Variants in ANKH observed in about 807,000 individuals in gnomAD.
ANKH encodes ANKH inorganic pyrophosphate transport regulator, also known as mineralization regulator ANKH.
Under a neutral mutation model 49.0 loss-of-function variants are expected in ANKH, and 15 were observed. The ratio of observed to expected loss-of-function variants is 0.31; its 90% CI spans 0.20 to 0.47. The LOEUF is 0.47. Among genes scored for constraint, ANKH ranks in the 20% least tolerant of loss-of-function variants. The pLI is 1.00. For missense variants in ANKH, 429 were observed against 652.0 expected (o/e 0.66, Z 3.72); for synonymous variants, 273 against 260.0 (o/e 1.05, Z -0.48).
At chr5:14,839,545 C>T (rs1741759293) in intron 1 of ANKH, among the ~76,000 whole-genome samples, 1 of 149,684 alleles carries the variant, frequency 6.7e-6, no homozygotes, top group Admixed American at 6.7e-5. Flanking sequence ...TCCTTTCTTT[C>T]GTCTTCAGTA....
intron 7 of ANKH, among the ~76,000 whole-genome samples, chr5:14,744,456 A>G (rs960085829): frequency 9.2e-5 from 7 of 75,834 alleles, no homozygotes; most frequent in African/African-American, 1.9e-4. Context: ...ACCATGGGTA[A>G]GGGAAATAGA....
At chr5:14,819,605 C>A (rs1211321186) in intron 1 of ANKH, among the ~76,000 whole-genome samples, 1 of 152,124 alleles carries the variant, frequency 6.6e-6, no homozygotes, top group East Asian at 1.9e-4. Context: ...GTGACTCATG[C>A]CTGTAATCCC....
chr5:14,776,893 C>T (rs1437671243), intron 1 of ANKH, among the ~76,000 whole-genome samples: 2 of 152,248 alleles, frequency 1.3e-5, no homozygotes, highest in Non-Finnish European at 2.9e-5. Flanking sequence ...CCTTTAATCA[C>T]AGCCTGGGTC....
intron 1 of ANKH, among the ~76,000 whole-genome samples, chr5:14,791,314 C>T (rs1177262539): frequency 2.0e-5 from 3 of 152,148 alleles, no homozygotes; most frequent in Non-Finnish European, 4.4e-5. Context: ...CCTGAGATGT[C>T]ATGACTCCTC....
intron 6 of ANKH, among the ~76,000 whole-genome samples, 187 bp downstream of exon 6, chr5:14,748,985 C>T (rs933325410): frequency 1.3e-5 from 2 of 152,202 alleles, no homozygotes; most frequent in Admixed American, 1.3e-4. Context: ...CTCCCATAAT[C>T]ATAAAAATAT....
chr5:14,805,202 C>G (rs1055008295), intron 1 of ANKH, among the ~76,000 whole-genome samples: 1 of 151,764 alleles, frequency 6.6e-6, no homozygotes. Flanking sequence ...ACTGGCCTAG[C>G]CTCCCAGCCT....
chr5:14,723,623 G>T (rs772944116), intron 8 of ANKH, among the ~76,000 whole-genome samples: 3 of 152,108 alleles, frequency 2.0e-5, no homozygotes, highest in Admixed American at 1.3e-4. Context: ...TGAGTGACAA[G>T]ATCCTGTCTC....
rs542207180 is a variant in ANKH at position 14,766,637 on chromosome 5, G to A, written c.313+2338C>T. Among the ~76,000 whole-genome samples, 8 of 152,284 alleles carry A rather than the reference G, an allele frequency of 5.3e-5. No individual in the cohort carries two copies. The South Asian group carries it at 1.4e-3, about 28-fold the overall frequency. ...ACTAGCACTTAAAGAAATGTTGAAG[G>A]CAATTCAACTACTTTTGCCTGGACA... On this transcript the variant is annotated intron_variant, in intron 2 of 11. Coordinates refer to ENST00000284268, the MANE Select transcript of ANKH (RefSeq NM_054027.6).
At chr5:14,792,550 T>C (rs1361859605) in intron 1 of ANKH, among the ~76,000 whole-genome samples, 3 of 152,100 alleles carry the variant, frequency 2.0e-5, no homozygotes. Context: ...CCGCTCTATC[T>C]AGGCTGATGA....
chr5:14,717,319 G>A (rs1737507398), intron 8 of ANKH, among the ~76,000 whole-genome samples: 6 of 152,244 alleles, frequency 3.9e-5, no homozygotes, highest in Admixed American at 3.3e-4. Context: ...TTTAGAGTAA[G>A]GATCAGCCTA....
chr5:14,803,055 C>G (rs1740609379), intron 1 of ANKH, among the ~76,000 whole-genome samples: 1 of 152,148 alleles, frequency 6.6e-6, no homozygotes, highest in Non-Finnish European at 1.5e-5. Flanking sequence ...TTGCTATCCA[C>G]AGTGGGTCAT....
chr5:14,775,525 G>A (rs1384145105), intron 1 of ANKH, among the ~76,000 whole-genome samples: 1 of 152,156 alleles, frequency 6.6e-6, no homozygotes, highest in African/African-American at 2.4e-5. Flanking sequence ...CCATGGATAA[G>A]GGGGCCTACT....
chr5:14,720,551 G>A (rs1737626664), intron 8 of ANKH, among the ~76,000 whole-genome samples: 1 of 152,150 alleles, frequency 6.6e-6, no homozygotes, highest in African/African-American at 2.4e-5. Flanking sequence ...CCTGCTTCCA[G>A]CTTTGCTTTA....
chr5:14,794,707 C>T (rs559153981), intron 1 of ANKH, among the ~76,000 whole-genome samples: 1 of 152,228 alleles, frequency 6.6e-6, no homozygotes, highest in Non-Finnish European at 1.5e-5. Context: ...GATGAGAGAG[C>T]TTGCTGCAAG....
chr5:14,744,199 C>T (rs1738455037), intron 7 of ANKH, among the ~76,000 whole-genome samples: 1 of 152,196 alleles, frequency 6.6e-6, no homozygotes, highest in African/African-American at 2.4e-5. Flanking sequence ...CCTTCTGAGT[C>T]CACTCTCAAA....
At chr5:14,773,416 A>G (rs1739513923) in intron 1 of ANKH, among the ~76,000 whole-genome samples, 1 of 131,824 alleles carries the variant, frequency 7.6e-6, no homozygotes, top group South Asian at 2.4e-4. Flanking sequence ...GCATCCACTG[A>G]AATGCCTTCT....
At chr5:14,793,768 G>A (rs1740284933) in intron 1 of ANKH, among the ~76,000 whole-genome samples, 1 of 152,184 alleles carries the variant, frequency 6.6e-6, no homozygotes, top group Admixed American at 6.5e-5. Context: ...GGCCTTGCGG[G>A]GGCAGTAAGT....
intron 8 of ANKH, among the ~76,000 whole-genome samples, chr5:14,721,929 C>CAAAAAAA (rs35821509): frequency 1.7e-5 from 1 of 59,462 alleles, no homozygotes; most frequent in African/African-American, 9.5e-5. Context: ...GACTCCGTCT[C>CAAAAAAA]AAAAAAAAAA....
chr5:14,821,632 A>G (rs1741198662), intron 1 of ANKH, among the ~76,000 whole-genome samples: 1 of 152,238 alleles, frequency 6.6e-6, no homozygotes, highest in African/African-American at 2.4e-5. Flanking sequence ...ACTAAGCACA[A>G]CTTCCACATT....
Sources: allele counts gnomAD v4.1 joint callset (sites outside exome capture counted in the v4.1 genomes callset), GRCh38; gene constraint gnomAD v4.1.1; transcripts MANE v1.5; gene names NCBI Gene and HGNC (gene_info 2026-07-23, HGNC 2026-07-21).